Variants in ACP7 observed in about 807,000 individuals in gnomAD.
ACP7 encodes acid phosphatase 7, tartrate resistant (putative), also known as acid phosphatase type 7.
Under a neutral mutation model 60.6 loss-of-function variants are expected in ACP7, and 58 were observed. That is an observed-to-expected ratio of 0.96 (90% CI 0.77 to 1.19). The LOEUF (loss-of-function observed/expected upper bound fraction) is 1.19. Among genes scored for constraint, ACP7 ranks in the 50% most tolerant of loss-of-function variants. The probability of loss-of-function intolerance (pLI) is 0.00; values close to 1 mark genes in which losing one functional copy is unlikely to be tolerated. For synonymous variants in ACP7, 237 were observed against 232.6 expected, an observed-to-expected ratio of 1.02 and a Z score of -0.17; for missense variants, 574 against 596.2, an observed-to-expected ratio of 0.96 and a Z score of 0.39.
Position 39,085,138 on chromosome 19 carries a change from C to T in ACP7, c.-132C>T. On this transcript the variant is annotated 5_prime_UTR_variant, in exon 2 of 13. Transcript: ENST00000331256. Reference sequence around the variant, plus strand: ...TGAAGGAGACCTCCCTGCCCTGCCTCTGTTGTCCCCCAGAGCACTGCCTGA... The same window carrying T: ...TGAAGGAGACCTCCCTGCCCTGCCTTTGTTGTCCCCCAGAGCACTGCCTGA... 2 of 1,223,934 alleles carry T rather than the reference C, an allele frequency of 1.6e-6. No homozygotes were observed. The highest frequency in any genetic ancestry group is 2.2e-6 in the Non-Finnish European group (2 of 891,868). 75.8% of individuals were successfully genotyped at this position (1,223,934 alleles called of 1,614,324 possible).
chr19:39,097,419 C>A (rs2073279216), intron 2 of ACP7, among the ~76,000 whole-genome samples: 1 of 136,958 alleles, frequency 7.3e-6, no homozygotes, highest in African/African-American at 2.6e-5. Context: ...AAAAAATTAG[C>A]TGGGCATGGT....
At chr19:39,090,146 T>C (rs1054384963) in intron 2 of ACP7, among the ~76,000 whole-genome samples, 1 of 152,148 alleles carries the variant, frequency 6.6e-6, no homozygotes, top group Admixed American at 6.6e-5. Flanking sequence ...CTTCTTTTTT[T>C]TTCTTTTTAA....
rs779514984 is a variant in ACP7 at position 39,085,228 on chromosome 19, TC to T, written c.-37del. The T allele has an allele frequency of 3.1e-6, 5 of 1,594,032 alleles. No individual in the cohort carries two copies. The highest frequency in any genetic ancestry group is 4.3e-6 in the Non-Finnish European group (5 of 1,169,782). On this transcript the variant is annotated 5_prime_UTR_variant, in exon 2 of 13. Coordinates refer to ENST00000331256, the MANE Select transcript of ACP7 (RefSeq NM_001004318.3). The stretch of plus-strand genomic sequence containing the variant: ...ACCTGTGGGGAGCTGATCTCCTCAG[TC>T]CCCCTGCTTTTCCCCGGTCTGCCAT...
chr19:39,107,093 G>C lies in ACP7; in HGVS notation c.1251+9G>C. ...AGGTGTCGGACGACCAGGTCAGTGA[G>C]GGGCAGGCCGAAGTCACCTGACTGT... On this transcript the variant is annotated intron_variant, in intron 12 of 12. Coordinates refer to ENST00000331256, the MANE Select transcript of ACP7 (RefSeq NM_001004318.3). The C allele has an allele frequency of 6.2e-7, 1 of 1,613,340 alleles. No homozygotes were observed. The highest frequency in any genetic ancestry group is 8.5e-7 in the Non-Finnish European group (1 of 1,179,610).
chr19:39,107,070 G>A lies in ACP7; in HGVS notation c.1237G>A (p.Val413Met), dbSNP rs773682662. ...CGGGACCCACATCCACATCCAGCAG[G>A]TGTCGGACGACCAGGTCAGTGAGGG... ...LNGTHIHIQQ[V>M]SDDQDGKIVD... The change falls in exon 12 of 13, where the codon GTG becomes ATG. Residue 413 changes from valine (V) to methionine (M), a missense_variant. Transcript: ENST00000331256. 6.2e-7 allele frequency: 1 copy of A among 1,613,960 alleles called. No individual in the cohort carries two copies. Among genetic ancestry groups the A allele is most frequent in the East Asian group, 2.2e-5 (1 of 44,884 alleles).
intron 4 of ACP7, among the ~76,000 whole-genome samples, chr19:39,099,992 CAAAAAA>C (rs35619428): frequency 6.9e-5 from 5 of 72,500 alleles, no homozygotes; most frequent in African/African-American, 2.3e-4. Flanking sequence ...GACTCTGTCT[CAAAAAA>C]AAAAAAAAAA....
chr19:39,106,782 C>T (rs2073414982), intron 11 of ACP7, among the ~76,000 whole-genome samples, 165 bp from the exon 12 acceptor site: 1 of 152,168 alleles, frequency 6.6e-6, no homozygotes, highest in African/African-American at 2.4e-5. Flanking sequence ...TCTTGGCCTC[C>T]CAAAGTGCTG....
chr19:39,085,220 C>A lies in ACP7; in HGVS notation c.-50C>A. On this transcript the variant is annotated 5_prime_UTR_variant, in exon 2 of 13. Transcript: ENST00000331256. ...CCTGCTGTACCTGTGGGGAGCTGAT[C>A]TCCTCAGTCCCCCTGCTTTTCCCCG... 1 of 1,576,776 alleles carries A rather than the reference C, an allele frequency of 6.3e-7. No homozygotes were observed. Among genetic ancestry groups the A allele is most frequent in the Admixed American group, 1.8e-5 (1 of 56,240 alleles).
chr19:39,095,733 C>G (rs781536299), intron 2 of ACP7, among the ~76,000 whole-genome samples: 2 of 152,254 alleles, frequency 1.3e-5, no homozygotes, highest in Non-Finnish European at 1.5e-5. Flanking sequence ...CAGAGGTTCT[C>G]CATGAGAGCC....
At position 39,107,039 on chromosome 19, in the gene ACP7, C is replaced by T; in HGVS notation, c.1206C>T (p.Ile402=). 6.2e-7 allele frequency: 1 copy of T among 1,614,108 alleles called. No homozygotes were observed. The stretch of plus-strand genomic sequence containing the variant: ...AGTACGGGTATACGCGGCTGCACAT[C>T]CTCAACGGGACCCACATCCACATCC... ...VKEYGYTRLH[I]LNGTHIHIQQ... Residue 402 remains isoleucine (I), a synonymous_variant, in exon 12 of 13, where the codon ATC becomes ATT. Transcript: ENST00000331256.
intron 2 of ACP7, among the ~76,000 whole-genome samples, chr19:39,087,789 ACACC>A (rs1156429798): frequency 3.3e-5 from 5 of 151,932 alleles, no homozygotes; most frequent in African/African-American, 1.2e-4. Flanking sequence ...ATGCACCACC[ACACC>A]TGGCTAATTT....
rs2073344645 is a variant in ACP7, at chr19:39,101,468, A to T, written c.1044A>T (p.Val348=). 1 of 1,614,112 alleles carries T rather than the reference A, an allele frequency of 6.2e-7. No individual in the cohort carries two copies. Among genetic ancestry groups the T allele is most frequent in the South Asian group, 1.1e-5 (1 of 91,084 alleles). Reference sequence around the variant, plus strand: ...CCCAACGTTGTTCCCTTCCCCAGGTATTTAACGGCAGCCGAGAGATGCCCT... The same window carrying T: ...CCCAACGTTGTTCCCTTCCCCAGGTTTTTAACGGCAGCCGAGAGATGCCCT... ...ERLWPIYNYQ[V]FNGSREMPYT... is the part of the protein sequence containing the mutation. The change falls in exon 11 of 13, where the codon GTA becomes GTT. Residue 348 remains valine, a splice_region_variant and synonymous_variant. Coordinates refer to ENST00000331256, the MANE Select transcript of ACP7 (RefSeq NM_001004318.3).
chr19:39,095,524 G>C (rs2073255714), intron 2 of ACP7, among the ~76,000 whole-genome samples: 1 of 152,228 alleles, frequency 6.6e-6, no homozygotes, highest in Non-Finnish European at 1.5e-5. Context: ...GCAGGGTATA[G>C]CCTCCCTCCT....
At chr19:39,093,776 T>C (rs1326938758) in intron 2 of ACP7, among the ~76,000 whole-genome samples, 1 of 152,196 alleles carries the variant, frequency 6.6e-6, no homozygotes, top group Non-Finnish European at 1.5e-5. Flanking sequence ...TTATTTCTTT[T>C]GTACAAATGA....
chr19:39,092,414 C>T (rs2073213792), intron 2 of ACP7, among the ~76,000 whole-genome samples: 1 of 151,830 alleles, frequency 6.6e-6, no homozygotes, highest in East Asian at 1.9e-4. Context: ...GAATCATTTA[C>T]AGGTGTGCCT....
At chr19:39,099,184 G>T (rs1466204217) in intron 4 of ACP7, 42 bp downstream of exon 4, 1 of 1,476,546 alleles carries the variant, frequency 6.8e-7, no homozygotes, top group African/African-American at 1.5e-5. Context: ...GGTGGGGGGC[G>T]CGCGCAGGGA....
chr19:39,096,420 C>G (rs955979709), intron 2 of ACP7, among the ~76,000 whole-genome samples: 4 of 152,334 alleles, frequency 2.6e-5, no homozygotes, highest in Middle Eastern at 6.8e-3. Flanking sequence ...CAGTTCCCAA[C>G]AAGTTCCTCA....
At chr19:39,085,743 C>A (rs1600248321) in intron 2 of ACP7, among the ~76,000 whole-genome samples, 1 of 152,200 alleles carries the variant, frequency 6.6e-6, no homozygotes, top group Non-Finnish European at 1.5e-5. Context: ...TGAATGATAA[C>A]AGAGCTGGGT....
chr19:39,098,865 C>T, intron 3 of ACP7, 95 bp from the exon 4 acceptor site: 5 of 1,510,112 alleles, frequency 3.3e-6, no homozygotes, highest in Non-Finnish European at 3.6e-6. Flanking sequence ...ACCAGTCCCC[C>T]CATCTCCTCC....
Sources: gnomAD v4.1 joint callset for allele counts (sites outside exome capture counted in the v4.1 genomes callset) on GRCh38, gnomAD v4.1.1 for gene constraint, MANE v1.5 for transcripts, NCBI Gene and HGNC (gene_info 2026-07-23, HGNC 2026-07-21) for gene names.